Variants in HCRTR2 observed in about 807,000 individuals in gnomAD.
HCRTR2 encodes hypocretin receptor 2.
Under a neutral mutation model 49.0 loss-of-function variants are expected in HCRTR2, and 22 were observed. That is an observed-to-expected ratio of 0.45 (90% CI 0.32 to 0.64). The LOEUF is 0.64. Ranked by LOEUF, HCRTR2 falls within the 30% of genes least tolerant of loss-of-function variation. HCRTR2 has a pLI of 0.04. For synonymous variants in HCRTR2, 236 were observed against 205.3 expected (o/e 1.15, Z -1.28); for missense variants, 491 against 559.4 (o/e 0.88, Z 1.23).
At chr6:55,258,572 C>A (rs755337620) in intron 3 of HCRTR2, among the ~76,000 whole-genome samples, 4 of 152,172 alleles carry the variant, frequency 2.6e-5, no homozygotes, top group Non-Finnish European at 4.4e-5. Context: ...CTGGCAGACA[C>A]ACACAACACT....
intron 2 of HCRTR2, among the ~76,000 whole-genome samples, chr6:55,251,267 T>C (rs1766544600): frequency 6.6e-6 from 1 of 152,158 alleles, no homozygotes; most frequent in East Asian, 1.9e-4. Flanking sequence ...ATATGTTCTT[T>C]TTCTTCTAAA....
chr6:55,275,792 T>A (rs772718712), intron 4 of HCRTR2, among the ~76,000 whole-genome samples: 5 of 152,078 alleles, frequency 3.3e-5, no homozygotes, highest in African/African-American at 7.2e-5. Flanking sequence ...GTATTTTTAG[T>A]AGAGGCGGGG....
At chr6:55,255,079 G>A in intron 2 of HCRTR2, 57 bp from the exon 3 acceptor site, 4 of 1,583,422 alleles carry the variant, frequency 2.5e-6, no homozygotes, top group East Asian at 2.3e-5. Context: ...AATATATTAA[G>A]AGTAATTCTT....
At chr6:55,284,687 CA>C (rs896304286), downstream of HCRTR2, among the ~76,000 whole-genome samples, 7 of 151,868 alleles carry the variant, frequency 4.6e-5, no homozygotes, top group Admixed American at 3.3e-4. Context: ...AAACAGTTTA[CA>C]AAACAATTGC....
intron 1 of HCRTR2, among the ~76,000 whole-genome samples, chr6:55,192,590 T>C (rs781347929): frequency 3.9e-5 from 6 of 152,132 alleles, no homozygotes; most frequent in Non-Finnish European, 8.8e-5. Flanking sequence ...GTCATTATCT[T>C]CAACACTGTG....
intron 1 of HCRTR2, among the ~76,000 whole-genome samples, chr6:55,165,206 T>C (rs1472176620): frequency 6.8e-6 from 1 of 147,688 alleles, no homozygotes; most frequent in African/African-American, 2.5e-5. Context: ...TAAGAGTTAC[T>C]GGCCTTAAAA....
chr6:55,137,436 T>A (rs1764448041), intron 1 of HCRTR2, among the ~76,000 whole-genome samples: 1 of 152,168 alleles, frequency 6.6e-6, no homozygotes, highest in Admixed American at 6.5e-5. Flanking sequence ...AAAATAAATA[T>A]ATTCCTTTTT....
intron 1 of HCRTR2, among the ~76,000 whole-genome samples, chr6:55,157,837 T>C (rs1046485005): frequency 2.0e-5 from 3 of 152,254 alleles, no homozygotes; most frequent in Non-Finnish European, 4.4e-5. Context: ...CAGATATGAC[T>C]GCAATGATCA....
intron 1 of HCRTR2, among the ~76,000 whole-genome samples, chr6:55,143,384 T>A (rs2127254016): frequency 6.6e-6 from 1 of 152,316 alleles, no homozygotes; most frequent in South Asian, 2.1e-4. Flanking sequence ...CACAAACCCA[T>A]CATTTGGGTC....
At chr6:55,108,187 T>C (rs963148705) in intron 1 of HCRTR2, among the ~76,000 whole-genome samples, 1 of 152,176 alleles carries the variant, frequency 6.6e-6, no homozygotes, top group Non-Finnish European at 1.5e-5. Flanking sequence ...GCAACTTTTT[T>C]TATTGCTTCA....
chr6:55,134,941 G>A (rs1764412968), intron 1 of HCRTR2, among the ~76,000 whole-genome samples: 1 of 151,848 alleles, frequency 6.6e-6, no homozygotes, highest in African/African-American at 2.4e-5. Context: ...TAATAATACT[G>A]TGATGAACAT....
chr6:55,198,546 T>A (rs1344288441), intron 1 of HCRTR2, among the ~76,000 whole-genome samples: 2 of 152,212 alleles, frequency 1.3e-5, no homozygotes, highest in Non-Finnish European at 2.9e-5. Flanking sequence ...TTGGGCATAC[T>A]AGCACCCACT....
At chr6:55,284,516 A>G (rs1767250325), downstream of HCRTR2, among the ~76,000 whole-genome samples, 1 of 152,128 alleles carries the variant, frequency 6.6e-6, no homozygotes, top group Non-Finnish European at 1.5e-5. Context: ...AAGTGATACC[A>G]TCTGACATCA....
At chr6:55,186,154 T>C (rs1000056124) in intron 1 of HCRTR2, among the ~76,000 whole-genome samples, 4 of 152,364 alleles carry the variant, frequency 2.6e-5, no homozygotes, top group East Asian at 1.9e-4. Context: ...TCATTTTTTT[T>C]CCTGTTTGCC....
At chr6:55,279,687 A>T (rs1767151014) in intron 5 of HCRTR2, among the ~76,000 whole-genome samples, 1 of 152,150 alleles carries the variant, frequency 6.6e-6, no homozygotes, top group Non-Finnish European at 1.5e-5. Flanking sequence ...ATTTCTAAGT[A>T]TGGAGAAAAT....
intron 1 of HCRTR2, among the ~76,000 whole-genome samples, chr6:55,188,835 A>G (rs919299201): frequency 6.6e-6 from 1 of 152,206 alleles, no homozygotes; most frequent in Non-Finnish European, 1.5e-5. Flanking sequence ...TGGGTTTGAC[A>G]TGGGGAAAGA....
intron 1 of HCRTR2, among the ~76,000 whole-genome samples, chr6:55,229,583 A>G (rs1014806617): frequency 1.3e-5 from 2 of 152,220 alleles, no homozygotes; most frequent in African/African-American, 4.8e-5. Context: ...TCTGAATGCA[A>G]CATCATAGAT....
At chr6:55,215,747 A>T (rs1041521691) in intron 1 of HCRTR2, among the ~76,000 whole-genome samples, 1 of 152,250 alleles carries the variant, frequency 6.6e-6, no homozygotes, top group Admixed American at 6.5e-5. Flanking sequence ...ATCACCTTAA[A>T]ATAGATTGTT....
chr6:55,125,839 G>C (rs557715814), intron 1 of HCRTR2, among the ~76,000 whole-genome samples: 2 of 151,148 alleles, frequency 1.3e-5, no homozygotes, highest in South Asian at 4.2e-4. Context: ...TTCAAATCTT[G>C]TCTTCTCACT....
Sources: gnomAD v4.1 joint callset for allele counts (sites outside exome capture counted in the v4.1 genomes callset) on GRCh38, gnomAD v4.1.1 for gene constraint, MANE v1.5 for transcripts, NCBI Gene and HGNC (gene_info 2026-07-23, HGNC 2026-07-21) for gene names.